DIPK1A: variants seen among roughly 807,000 people sequenced by gnomAD.
The protein encoded by DIPK1A is divergent protein kinase domain 1A, also known as family with sequence similarity 69 member A.
DIPK1A carries 27 observed loss-of-function variants against 40.8 expected under a neutral mutation model. That is an observed-to-expected ratio of 0.66 (90% CI 0.49 to 0.91). The LOEUF is 0.91. DIPK1A is among the 40% of genes least tolerant of loss of function. The pLI is 0.00. For missense variants in DIPK1A, 412 were observed against 505.7 expected (o/e 0.81, Z 1.78); for synonymous variants, 166 against 171.3 (o/e 0.97, Z 0.24).
rs564508531 is a variant in DIPK1A, at chr1:92,888,835, C to T, written c.55-12405G>A. ...TCTTTTGAAAGATGTGTCCATTCAGCTCATTTGCCCAGTTTTAAATAGAAT... is the reference window on the plus strand; with the variant it reads ...TCTTTTGAAAGATGTGTCCATTCAGTTCATTTGCCCAGTTTTAAATAGAAT... On this transcript the variant is annotated intron_variant, in intron 1 of 4. Transcript: ENST00000370310. Among the ~76,000 whole-genome samples the T allele has an allele frequency of 2.0e-5, 3 of 152,280 alleles. No individual in the cohort carries two copies. The South Asian group carries it at 6.2e-4, about 32-fold the overall frequency.
chr1:92,915,445 T>C (rs1483856660), intron 1 of DIPK1A, among the ~76,000 whole-genome samples: 1 of 152,184 alleles, frequency 6.6e-6, no homozygotes, highest in Non-Finnish European at 1.5e-5. Context: ...TCAATGAGAA[T>C]AACAAAGGCA....
intron 2 of DIPK1A, among the ~76,000 whole-genome samples, chr1:92,853,270 C>T (rs1290733035): frequency 1.3e-5 from 2 of 152,284 alleles, no homozygotes; most frequent in Middle Eastern, 3.4e-3. Flanking sequence ...AGGGAAACTT[C>T]ACATAAATTA....
intron 1 of DIPK1A, among the ~76,000 whole-genome samples, chr1:92,911,965 C>CTGCACTCCAGCCTGGGTGACA (rs1301130597): frequency 8.3e-6 from 1 of 120,716 alleles, no homozygotes; most frequent in African/African-American, 3.2e-5. Context: ...GATTGTGCCA[C>CTGCACTCCAGCCTGGGTGACA]TGCACTCCAG....
At position 92,876,449 on chromosome 1, in the gene DIPK1A, A is replaced by G. The variant is rs746568474; in HGVS notation, c.55-19T>C. On this transcript the variant is annotated intron_variant, in intron 1 of 4. Coordinates refer to ENST00000370310, the MANE Select transcript of DIPK1A (RefSeq NM_001006605.5). ...AGCGAGCCTGTGAGTAAAAAAGAAC[A>G]TAACGATCATTCATTCAGCACCAAA... 1.9e-6 allele frequency: 3 copies of G among 1,610,650 alleles called. No homozygotes were observed. Among genetic ancestry groups the G allele is most frequent in the South Asian group, 1.1e-5 (1 of 90,352 alleles).
At position 92,853,001 on chromosome 1, in the gene DIPK1A, G is replaced by A. The variant is rs144677973; in HGVS notation, c.190-2046C>T. Among the ~76,000 whole-genome samples the A allele has an allele frequency of 6.8e-4, 103 of 152,068 alleles. 1 individual carries two copies. In the East Asian group the frequency reaches 0.014, roughly 21 times the overall value. On this transcript the variant is annotated intron_variant, in intron 2 of 4. Coordinates refer to ENST00000370310, the MANE Select transcript of DIPK1A (RefSeq NM_001006605.5). ...AGGTTGCAGTGAGCCAAGATCACAC[G>A]ACTGTACTCCAGCCTGGGTGACAGA...
chr1:92,876,772 T>C (rs1028975143), intron 1 of DIPK1A, among the ~76,000 whole-genome samples: 6 of 152,182 alleles, frequency 3.9e-5, no homozygotes, highest in African/African-American at 1.4e-4. Context: ...ACAATTCCTA[T>C]TTACTAGAAG....
rs1441314275 is a variant in DIPK1A, at chr1:92,836,195, C to T, written c.475-3161G>A. 1.2e-6 allele frequency: 2 copies of T among 1,612,062 alleles called. No individual in the cohort carries two copies. The highest frequency in any genetic ancestry group is 2.2e-5 in the East Asian group (1 of 44,878). On this transcript the variant is annotated intron_variant, in intron 4 of 4. Transcript: ENST00000615519. ...TACATTGGTTTCTTGAATAGCTTCT[C>T]AATAGGTTTGGCATGGACAAGATCT...
intron 1 of DIPK1A, among the ~76,000 whole-genome samples, chr1:92,878,463 C>T (rs1175592640): frequency 6.6e-6 from 1 of 152,038 alleles, no homozygotes; most frequent in Admixed American, 6.6e-5. Context: ...GACAGGCGAA[C>T]AACTTGAGGT....
chr1:92,891,371 T>C (rs1161501208), intron 1 of DIPK1A, among the ~76,000 whole-genome samples: 1 of 152,140 alleles, frequency 6.6e-6, no homozygotes, highest in Non-Finnish European at 1.5e-5. Context: ...TCTAGCTCCT[T>C]GAGATACATT....
chr1:92,867,884 C>T (rs1026330551), intron 2 of DIPK1A, among the ~76,000 whole-genome samples: 2 of 152,128 alleles, frequency 1.3e-5, no homozygotes, highest in African/African-American at 4.8e-5. Context: ...AGGCAATGCT[C>T]TCAATGGAAC....
chr1:92,932,023 T>C, intron 1 of DIPK1A: 1 of 543,432 alleles, frequency 1.8e-6, no homozygotes, highest in South Asian at 1.7e-5. Context: ...CAAAAGAAAA[T>C]TTGGGTTTGA....
At chr1:92,893,599 G>A (rs1291256373) in intron 1 of DIPK1A, among the ~76,000 whole-genome samples, 8 of 151,830 alleles carry the variant, frequency 5.3e-5, no homozygotes, top group South Asian at 4.2e-4. Flanking sequence ...ATCAACTAAC[G>A]AGCAAAATAA....
At chr1:92,893,947 A>G (rs1254210040) in intron 1 of DIPK1A, among the ~76,000 whole-genome samples, 2 of 152,042 alleles carry the variant, frequency 1.3e-5, no homozygotes, top group African/African-American at 4.8e-5. Flanking sequence ...CAACAAGAAG[A>G]GCTAACTATC....
intron 1 of DIPK1A, among the ~76,000 whole-genome samples, chr1:92,952,892 T>C (rs1448006514): frequency 6.6e-6 from 1 of 152,092 alleles, no homozygotes; most frequent in African/African-American, 2.4e-5. Flanking sequence ...GTAAAACTTG[T>C]GGCACTAGCT....
chr1:92,943,428 C>A (rs977058762), intron 1 of DIPK1A, among the ~76,000 whole-genome samples: 1 of 152,028 alleles, frequency 6.6e-6, no homozygotes, highest in Non-Finnish European at 1.5e-5. Context: ...CCAACAGGTA[C>A]AAGGGAGGGC....
chr1:92,843,602 T>C lies in DIPK1A; in HGVS notation c.1068A>G (p.Ser356=), dbSNP rs569855888. 3.2e-6 allele frequency: 5 copies of C among 1,551,870 alleles called. No homozygotes were observed. The African/African-American group carries it at 5.5e-5, about 17-fold the overall frequency. Residue 356 remains serine (S), a synonymous_variant, in exon 5 of 5, where the codon TCA becomes TCG. Transcript: ENST00000370310. The part of the protein sequence containing the change: ...SCDQSTMKCT[S]EVIQPNLAKA... The stretch of plus-strand genomic sequence containing the variant: ...TTGCCAAGTTTGGTTGTATCACTTC[T>C]GAAGTACACTTCATTGTACTCTGAT...
intron 1 of DIPK1A, among the ~76,000 whole-genome samples, chr1:92,958,208 A>G: frequency 6.6e-6 from 1 of 152,242 alleles, no homozygotes; most frequent in Non-Finnish European, 1.5e-5. Flanking sequence ...GGCTGAAAAT[A>G]TATCATTAAT....
chr1:92,878,434 C>T (rs1648220658), intron 1 of DIPK1A, among the ~76,000 whole-genome samples: 1 of 152,094 alleles, frequency 6.6e-6, no homozygotes, highest in Non-Finnish European at 1.5e-5. Context: ...CCTGTAATCC[C>T]AGAACTTCGG....
chr1:92,929,615 AATCTTT>A (rs1374031479), intron 1 of DIPK1A, among the ~76,000 whole-genome samples: 1 of 536 alleles, frequency 1.9e-3, no homozygotes, highest in African/African-American at 2.1e-3. Flanking sequence ...GATTGAGTTT[AATCTTT>A]TCTTTCACTT....
Sources: gnomAD v4.1 joint callset for allele counts (sites outside exome capture counted in the v4.1 genomes callset) on GRCh38, gnomAD v4.1.1 for gene constraint, MANE v1.5 for transcripts, NCBI Gene and HGNC (gene_info 2026-07-23, HGNC 2026-07-21) for gene names.